RIMS1: variants seen among roughly 807,000 people sequenced by gnomAD.
RIMS1 encodes regulating synaptic membrane exocytosis 1, also known as regulating synaptic membrane exocytosis protein 1.
A neutral mutation model predicts 214.1 loss-of-function variants in RIMS1; 83 were observed. The observed-to-expected ratio is 0.39, with a 90% CI of 0.32 to 0.47. The LOEUF is 0.47. RIMS1 is among the 20% of genes least tolerant of loss of function. The probability of loss-of-function intolerance (pLI) is 0.99; values close to 1 mark genes in which losing one functional copy is unlikely to be tolerated. For synonymous variants in RIMS1, 793 were observed against 786.8 expected, an observed-to-expected ratio of 1.01 and a Z score of -0.13; for missense variants, 2,050 against 2,161.8, an observed-to-expected ratio of 0.95 and a Z score of 1.03.
At chr6:71,887,590 TGCTGAGGACA>T (rs1768176124) in intron 1 of RIMS1, among the ~76,000 whole-genome samples, 3 of 152,012 alleles carry the variant, frequency 2.0e-5, no homozygotes, top group African/African-American at 7.2e-5. Context: ...GATGAAGAGG[TGCTGAGGACA>T]GCTCCTCTTC....
At chr6:72,015,146 T>C (rs1407044953) in intron 2 of RIMS1, among the ~76,000 whole-genome samples, 2 of 152,198 alleles carry the variant, frequency 1.3e-5, no homozygotes, top group African/African-American at 4.8e-5. Flanking sequence ...ATATACACAT[T>C]ATGCATATAG....
intron 4 of RIMS1, among the ~76,000 whole-genome samples, chr6:72,113,429 A>G (rs1258246226): frequency 1.3e-5 from 2 of 152,086 alleles, no homozygotes; most frequent in African/African-American, 4.8e-5. Flanking sequence ...ATATTAGGAA[A>G]TTGTGTTTTT....
intron 29 of RIMS1, among the ~76,000 whole-genome samples, chr6:72,346,376 T>A (rs2097266797): frequency 6.6e-6 from 1 of 151,844 alleles, no homozygotes; most frequent in Non-Finnish European, 1.5e-5. Context: ...ACGCTTGAGT[T>A]CTTCTAAGTC....
chr6:72,003,874 T>A (rs890478558), intron 2 of RIMS1, among the ~76,000 whole-genome samples: 5 of 152,056 alleles, frequency 3.3e-5, no homozygotes, highest in South Asian at 2.1e-4. Flanking sequence ...TTCTTTTTTT[T>A]AATTATTATT....
chr6:71,990,517 A>G (rs1280928524), intron 2 of RIMS1, among the ~76,000 whole-genome samples: 1 of 152,096 alleles, frequency 6.6e-6, no homozygotes, highest in Non-Finnish European at 1.5e-5. Context: ...TTATTTGAGA[A>G]TGCCACTATC....
At chr6:72,392,663 G>T (rs1564831043) in intron 30 of RIMS1, 35 bp from the exon 31 acceptor site, 2 of 1,435,294 alleles carry the variant, frequency 1.4e-6, no homozygotes, top group South Asian at 1.1e-5. Context: ...GATTTCATGG[G>T]TTTTTTCCTT....
Position 71,891,913 on chromosome 6 carries a change from A to C in RIMS1, c.164+4726A>C, listed in dbSNP as rs1770004911. Among the ~76,000 whole-genome samples, 3 of 152,338 alleles carry C rather than the reference A, an allele frequency of 2.0e-5. No homozygotes were observed. In the South Asian group the frequency reaches 6.2e-4, roughly 32 times the overall value. On this transcript the variant is annotated intron_variant, in intron 1 of 33. Coordinates refer to ENST00000521978, the MANE Select transcript of RIMS1 (RefSeq NM_014989.7). ...ATATCAAATATGAATTCCTAAAATCATATTATTATCCGCCCATACCTGTAA... is the reference window on the plus strand; with the variant it reads ...ATATCAAATATGAATTCCTAAAATCCTATTATTATCCGCCCATACCTGTAA...
intron 6 of RIMS1, among the ~76,000 whole-genome samples, chr6:72,221,736 T>G (rs975486784): frequency 6.6e-6 from 1 of 152,020 alleles, no homozygotes; most frequent in African/African-American, 2.4e-5. Flanking sequence ...CATAATGCCT[T>G]GTTTTATAAA....
chr6:71,892,274 A>G (rs1259079487), intron 1 of RIMS1, among the ~76,000 whole-genome samples: 1 of 152,186 alleles, frequency 6.6e-6, no homozygotes, highest in Non-Finnish European at 1.5e-5. Context: ...ATTTGACTGG[A>G]TGCTTTACAA....
chr6:71,927,414 A>T (rs977670832), intron 1 of RIMS1, among the ~76,000 whole-genome samples: 1 of 152,160 alleles, frequency 6.6e-6, no homozygotes, highest in African/African-American at 2.4e-5. Flanking sequence ...AATATGTATA[A>T]GTGTATCCTG....
intron 1 of RIMS1, among the ~76,000 whole-genome samples, chr6:71,946,599 A>G (rs1170683914): frequency 1.3e-5 from 2 of 152,146 alleles, no homozygotes; most frequent in East Asian, 1.9e-4. Flanking sequence ...AAGAAATTAA[A>G]CCCTCATTTC....
intron 1 of RIMS1, among the ~76,000 whole-genome samples, chr6:71,887,748 A>G (rs1256497491): frequency 6.6e-6 from 1 of 152,028 alleles, no homozygotes; most frequent in African/African-American, 2.4e-5. Context: ...TTTTTGGGCA[A>G]TTGCCATCTT....
intron 2 of RIMS1, among the ~76,000 whole-genome samples, chr6:72,029,063 A>G (rs544838947): frequency 6.2e-4 from 94 of 152,292 alleles, no homozygotes; most frequent in African/African-American, 2.2e-3. Flanking sequence ...GGGAATATGG[A>G]AAAGAGTTTT....
chr6:72,386,080 A>G (rs2815741), intron 29 of RIMS1, among the ~76,000 whole-genome samples: 64,468 of 151,992 alleles, frequency 0.42, 14,118 homozygotes, highest in Middle Eastern at 0.5. Flanking sequence ...CTCAAATGAT[A>G]TTTTTCAAGC....
chr6:72,102,069 A>G (rs2033725662), intron 4 of RIMS1, among the ~76,000 whole-genome samples: 1 of 151,972 alleles, frequency 6.6e-6, no homozygotes, highest in African/African-American at 2.4e-5. Flanking sequence ...TCCCATAGCC[A>G]GTTTAAATTA....
At chr6:72,065,489 C>A (rs965191716) in intron 2 of RIMS1, among the ~76,000 whole-genome samples, 1 of 151,756 alleles carries the variant, frequency 6.6e-6, no homozygotes, top group Non-Finnish European at 1.5e-5. Context: ...TAATTTTTAT[C>A]TTTTTGTTAG....
At chr6:72,172,893 G>A (rs1041743592) in intron 4 of RIMS1, among the ~76,000 whole-genome samples, 7 of 152,044 alleles carry the variant, frequency 4.6e-5, no homozygotes, top group South Asian at 2.1e-4. Flanking sequence ...CCTCCTGCTC[G>A]AAATTTCTCT....
chr6:71,991,701 G>A (rs1487064852), intron 2 of RIMS1, among the ~76,000 whole-genome samples: 3 of 152,156 alleles, frequency 2.0e-5, no homozygotes, highest in Non-Finnish European at 4.4e-5. Flanking sequence ...TATATCTAGT[G>A]GGAAGTACAA....
intron 31 of RIMS1, among the ~76,000 whole-genome samples, chr6:72,394,187 A>G (rs912118811): frequency 4.6e-5 from 7 of 152,198 alleles, no homozygotes; most frequent in African/African-American, 1.7e-4. Flanking sequence ...ATGAGATAAA[A>G]TCTATAGAAT....
Sources: allele counts gnomAD v4.1 joint callset (sites outside exome capture counted in the v4.1 genomes callset), GRCh38; gene constraint gnomAD v4.1.1; transcripts MANE v1.5; gene names NCBI Gene and HGNC (gene_info 2026-07-23, HGNC 2026-07-21).